GOLT1A: variants seen among roughly 807,000 people sequenced by gnomAD.
GOLT1A encodes the protein vesicle transport protein GOT1A.
In GOLT1A, 10 loss-of-function variants were observed where a neutral mutation model predicts 16.1. The observed-to-expected ratio is 0.62, with a 90% CI of 0.38 to 1.05. GOLT1A has a LOEUF of 1.05. Among genes scored for constraint, GOLT1A ranks in the 50% least tolerant of loss-of-function variants. The pLI, the probability that GOLT1A is intolerant of heterozygous loss-of-function variation, is 0.01. For missense variants in GOLT1A, 137 were observed against 165.7 expected (o/e 0.83, Z 0.95); for synonymous variants, 60 against 67.9 (o/e 0.88, Z 0.57).
intron 1 of GOLT1A, among the ~76,000 whole-genome samples, chr1:204,209,627 A>G (rs967125859): frequency 6.6e-6 from 1 of 152,258 alleles, no homozygotes; most frequent in Non-Finnish European, 1.5e-5. Flanking sequence ...TTTAATTTTC[A>G]TAACTACCTG....
rs1052722047 is a variant in GOLT1A, at chr1:204,199,252, A to G, written c.303T>C (p.Phe101=). ...TYGFFSLFKG[F]FPVAFGFLGN... is the part of the protein sequence containing the mutation. Reference sequence around the variant, plus strand: ...CCAGGAAGCCGAAGGCGACAGGGAAAAAGCCCCTAGGAGCAGAGGGGAGAA... The same window carrying G: ...CCAGGAAGCCGAAGGCGACAGGGAAGAAGCCCCTAGGAGCAGAGGGGAGAA... Residue 101 remains phenylalanine, a synonymous_variant, in exon 4 of 5, where the codon TTT becomes TTC. Coordinates refer to ENST00000308302, the MANE Select transcript of GOLT1A (RefSeq NM_198447.2). 2 of 1,603,456 alleles carry G rather than the reference A, an allele frequency of 1.2e-6. No individual in the cohort carries two copies. The highest frequency in any genetic ancestry group is 1.3e-5 in the African/African-American group (1 of 74,882).
chr1:204,203,497 G>A (rs773185872), intron 1 of GOLT1A, among the ~76,000 whole-genome samples: 3 of 152,110 alleles, frequency 2.0e-5, no homozygotes, highest in Non-Finnish European at 4.4e-5. Context: ...TGGCCCGCCT[G>A]AGCAACTCTC....
chr1:204,202,209 C>G (rs1050697835), intron 2 of GOLT1A, among the ~76,000 whole-genome samples: 1 of 151,748 alleles, frequency 6.6e-6, no homozygotes, highest in East Asian at 2.0e-4. Context: ...ACAGAACCTT[C>G]AGAGGCTCCA....
At chr1:204,201,549 A>C in intron 3 of GOLT1A, 84 bp downstream of exon 3, 3 of 1,396,192 alleles carry the variant, frequency 2.1e-6, no homozygotes, top group Non-Finnish European at 3.0e-6. Flanking sequence ...ATAAAGTCCC[A>C]GCTTCTGCAC....
chr1:204,211,781 A>T (rs1347418255), intron 1 of GOLT1A, among the ~76,000 whole-genome samples: 3 of 151,988 alleles, frequency 2.0e-5, no homozygotes, highest in Non-Finnish European at 4.4e-5. Flanking sequence ...TTCCCAGGGG[A>T]CATCTGGCAA....
intron 2 of GOLT1A, 83 bp from the exon 3 acceptor site, chr1:204,201,894 G>T: frequency 1.6e-6 from 2 of 1,287,686 alleles, no homozygotes; most frequent in Non-Finnish European, 2.2e-6. Flanking sequence ...CAGGCGGTGG[G>T]CTGGGACAGG....
At chr1:204,199,164 G>A (rs1472792209) in intron 4 of GOLT1A, 31 bp downstream of exon 4, 14 of 1,555,784 alleles carry the variant, frequency 9.0e-6, no homozygotes, top group Admixed American at 3.9e-5. Context: ...CCCAGGGTAC[G>A]CCCGCAGGGC....
intron 1 of GOLT1A, among the ~76,000 whole-genome samples, chr1:204,204,967 T>C (rs1316257020): frequency 6.6e-6 from 1 of 152,244 alleles, no homozygotes; most frequent in African/African-American, 2.4e-5. Flanking sequence ...TATATCTTCT[T>C]TGGAGAATTG....
At chr1:204,206,478 C>T (rs1309746119) in intron 1 of GOLT1A, among the ~76,000 whole-genome samples, 1 of 152,262 alleles carries the variant, frequency 6.6e-6, no homozygotes, top group East Asian at 1.9e-4. Flanking sequence ...TTACATCTAC[C>T]TGAATTACCA....
chr1:204,211,831 G>A (rs1221981787), intron 1 of GOLT1A, among the ~76,000 whole-genome samples: 1 of 152,042 alleles, frequency 6.6e-6, no homozygotes, highest in Non-Finnish European at 1.5e-5. Flanking sequence ...TTGGAGTGGG[G>A]GTGCTACTGG....
chr1:204,204,224 G>T (rs1659007395), intron 1 of GOLT1A, among the ~76,000 whole-genome samples: 1 of 152,120 alleles, frequency 6.6e-6, no homozygotes, highest in Admixed American at 6.5e-5. Flanking sequence ...AAAATGTACA[G>T]TTCAGTGGTA....
chr1:204,210,311 C>T lies in GOLT1A; in HGVS notation c.25+3571G>A, dbSNP rs146172801. Among the ~76,000 whole-genome samples, 7 of 152,356 alleles carry T rather than the reference C, an allele frequency of 4.6e-5. No individual in the cohort carries two copies. The East Asian group carries it at 1.2e-3, about 25-fold the overall frequency. Reference sequence around the variant, plus strand: ...AACTGCCCTTTCTCTGTCTCCTCTGCCAGCTCCTACTTCTCTCTCTTCTTC... The same window carrying T: ...AACTGCCCTTTCTCTGTCTCCTCTGTCAGCTCCTACTTCTCTCTCTTCTTC... On this transcript the variant is annotated intron_variant, in intron 1 of 4. Transcript: ENST00000308302.
In GOLT1A at chr1:204,198,340, T is replaced by C. The variant is rs947274912; in HGVS notation, c.*118A>G. On this transcript the variant is annotated 3_prime_UTR_variant, in exon 5 of 5. Coordinates refer to ENST00000308302, the MANE Select transcript of GOLT1A (RefSeq NM_198447.2). ...CAGCTCCATTCCTTCCTTCTGGACT[T>C]GGGGAGGTCCGGATATGTCGGGGAG... 1 of 919,436 alleles carries C rather than the reference T, an allele frequency of 1.1e-6. No individual in the cohort carries two copies. Among genetic ancestry groups the C allele is most frequent in the African/African-American group, 1.7e-5 (1 of 59,548 alleles). The allele number at this position is 919,436 out of a possible 1,614,324, so 57.0% of individuals were successfully genotyped here. A position where few individuals can be genotyped will look rare whatever the true frequency, so the allele number is the denominator to read the frequency against.
Position 204,207,926 on chromosome 1 carries a change from G to C in GOLT1A, c.26-4939C>G, listed in dbSNP as rs528935817. The stretch of plus-strand genomic sequence containing the variant: ...AAATGCCCAACATCACTAATGATCA[G>C]GGAAGTGCAAATCAAAACCACAATG... On this transcript the variant is annotated intron_variant, in intron 1 of 4. Coordinates refer to ENST00000308302, the MANE Select transcript of GOLT1A (RefSeq NM_198447.2). Among the ~76,000 whole-genome samples, 25 of 152,206 alleles carry C rather than the reference G, an allele frequency of 1.6e-4. No homozygotes were observed. In the Middle Eastern group the frequency reaches 0.01, roughly 63 times the overall value.
chr1:204,206,452 C>T (rs779528208), intron 1 of GOLT1A, among the ~76,000 whole-genome samples: 1 of 152,260 alleles, frequency 6.6e-6, no homozygotes, highest in Non-Finnish European at 1.5e-5. Flanking sequence ...AGAGACAACA[C>T]ATTGAGAATC....
At chr1:204,202,860 G>C (rs761937675) in intron 2 of GOLT1A, 36 bp downstream of exon 2, 23 of 1,471,548 alleles carry the variant, frequency 1.6e-5, no homozygotes, top group Non-Finnish European at 2.2e-5. Context: ...GAAAGGTTGG[G>C]GCAGGGGAGT....
At chr1:204,205,231 T>C (rs1049127556) in intron 1 of GOLT1A, among the ~76,000 whole-genome samples, 1 of 152,238 alleles carries the variant, frequency 6.6e-6, no homozygotes, top group African/African-American at 2.4e-5. Flanking sequence ...CTAGAAATCA[T>C]TATCAAATCC....
Position 204,200,299 on chromosome 1 carries a change from G to GTGTATATATATATATA in GOLT1A, c.297-1042_297-1041insTATATATATATATACA. On this transcript the variant is annotated intron_variant, in intron 3 of 4. Coordinates refer to ENST00000308302, the MANE Select transcript of GOLT1A (RefSeq NM_198447.2). ...GACTGTTTGAAAATGACATATATGT[G>GTGTATATATATATATA]TATATATATATATATATATATGTTT... Among the ~76,000 whole-genome samples, 42 of 82,664 alleles carry GTGTATATATATATATA rather than the reference G, an allele frequency of 5.1e-4. 1 individual carries two copies. The highest frequency in any genetic ancestry group is 1.1e-3 in the African/African-American group (19 of 18,054). 54.2% of individuals were successfully genotyped at this position (82,664 alleles called of 152,430 possible).
At chr1:204,202,295 C>G (rs902249944) in intron 2 of GOLT1A, among the ~76,000 whole-genome samples, 1 of 151,368 alleles carries the variant, frequency 6.6e-6, no homozygotes, top group African/African-American at 2.4e-5. Flanking sequence ...TAATGAATCC[C>G]TTAAGAGTGC....
Sources: gnomAD v4.1 joint callset for allele counts (sites outside exome capture counted in the v4.1 genomes callset) on GRCh38, gnomAD v4.1.1 for gene constraint, MANE v1.5 for transcripts, NCBI Gene and HGNC (gene_info 2026-07-23, HGNC 2026-07-21) for gene names.